The following GCNT1 variants were observed in gnomAD, a reference collection of about 807,000 sequenced individuals.
GCNT1 encodes beta-1,3-galactosyl-O-glycosyl-glycoprotein beta-1,6-N-acetylglucosaminyltransferase.
Under a neutral mutation model 26.2 loss-of-function variants are expected in GCNT1, and 16 were observed. The observed-to-expected ratio is 0.61, with a 90% confidence interval of 0.41 to 0.93. The LOEUF (loss-of-function observed/expected upper bound fraction) is 0.93. Among genes scored for constraint, GCNT1 ranks in the 40% least tolerant of loss-of-function variants. The pLI, the probability that GCNT1 is intolerant of heterozygous loss-of-function variation, is 0.00. For synonymous variants in GCNT1, 183 were observed against 190.8 expected, an observed-to-expected ratio of 0.96 and a Z score of 0.34; for missense variants, 477 against 526.7, an observed-to-expected ratio of 0.91 and a Z score of 0.92.
intron 1 of GCNT1, among the ~76,000 whole-genome samples, chr9:76,421,245 A>G (rs780184574): frequency 2.0e-5 from 3 of 152,202 alleles, no homozygotes; most frequent in Non-Finnish European, 2.9e-5. Flanking sequence ...CACCTTTATA[A>G]CAATTATAAA....
intron 2 of GCNT1, among the ~76,000 whole-genome samples, chr9:76,469,490 A>T (rs897903972): frequency 1.3e-5 from 2 of 152,188 alleles, no homozygotes; most frequent in African/African-American, 4.8e-5. Flanking sequence ...AGCAACGGCT[A>T]CCCTCTTTGG....
the GCNT1 span, chr9:76,399,111 C>T: frequency 2.5e-6 from 4 of 1,571,820 alleles, no homozygotes; most frequent in Non-Finnish European, 3.5e-6. Flanking sequence ...ACGGAGGCAT[C>T]TTATGTTAAC....
upstream of GCNT1, among the ~76,000 whole-genome samples, chr9:76,415,062 C>CA (rs936480765): frequency 6.7e-6 from 1 of 150,100 alleles, no homozygotes; most frequent in Non-Finnish European, 1.5e-5. Flanking sequence ...TAGCTGTGAA[C>CA]TTTTTTTTTT....
the GCNT1 span, among the ~76,000 whole-genome samples, chr9:76,414,474 A>C: frequency 6.6e-6 from 1 of 152,166 alleles, no homozygotes; most frequent in East Asian, 1.9e-4. Flanking sequence ...GTTTATAGAG[A>C]AGTAATGAAA....
At chr9:76,396,523 G>A in the GCNT1 span, among the ~76,000 whole-genome samples, 83 of 151,878 alleles carry the variant, frequency 5.5e-4, no homozygotes, top group African/African-American at 1.9e-3. Flanking sequence ...GAAAAGAAGA[G>A]GAGAAAATAA....
At chr9:76,432,512 G>C (rs1587408014) in intron 1 of GCNT1, among the ~76,000 whole-genome samples, 1 of 151,706 alleles carries the variant, frequency 6.6e-6, no homozygotes, top group East Asian at 1.9e-4. Flanking sequence ...GCTTATTTTT[G>C]TATTTTTTAT....
At position 76,503,789 on chromosome 9, in the gene GCNT1, T is replaced by C; in HGVS notation, c.*121T>C. 1.3e-6 allele frequency: 1 copy of C among 745,992 alleles called. No homozygotes were observed. Among genetic ancestry groups the C allele is most frequent in the South Asian group, 1.7e-5 (1 of 59,750 alleles). 46.2% of individuals were successfully genotyped at this position (745,992 alleles called of 1,614,324 possible). On this transcript the variant is annotated 3_prime_UTR_variant, in exon 4 of 4. Transcript: ENST00000376730. ...GTCCTCTTTGGGGCAGGGACTCTAG[T>C]AGATCTTCTTGTCAGAGAAGCTGCA...
the GCNT1 span, among the ~76,000 whole-genome samples, chr9:76,404,699 T>A: frequency 9.3e-4 from 141 of 152,182 alleles, no homozygotes; most frequent in Non-Finnish European, 1.9e-3. Flanking sequence ...AAGAGATATA[T>A]GAAGAGAGGC....
At chr9:76,424,539 G>C (rs1001894439) in intron 1 of GCNT1, among the ~76,000 whole-genome samples, 11 of 152,114 alleles carry the variant, frequency 7.2e-5, no homozygotes, top group African/African-American at 2.4e-4. Context: ...CTGGATCTTG[G>C]AGTAGCCCAA....
chr9:76,449,368 A>T (rs1383498394), intron 1 of GCNT1, among the ~76,000 whole-genome samples: 1 of 152,202 alleles, frequency 6.6e-6, no homozygotes, highest in East Asian at 1.9e-4. Flanking sequence ...AGAATGTGCC[A>T]CCTCAAAACA....
intron 1 of GCNT1, among the ~76,000 whole-genome samples, chr9:76,449,879 G>A (rs1021181591): frequency 8.5e-5 from 13 of 152,142 alleles, no homozygotes; most frequent in African/African-American, 3.1e-4. Flanking sequence ...TGCCTCCTGG[G>A]CTCAAGTGAT....
At chr9:76,493,121 ACAT>A (rs1167007456) in intron 2 of GCNT1, among the ~76,000 whole-genome samples, 1 of 152,134 alleles carries the variant, frequency 6.6e-6, no homozygotes, top group African/African-American at 2.4e-5. Context: ...GTTATGGTGG[ACAT>A]CATTGAATAA....
chr9:76,462,787 C>T (rs374246829), intron 2 of GCNT1, among the ~76,000 whole-genome samples: 14 of 152,120 alleles, frequency 9.2e-5, no homozygotes, highest in African/African-American at 3.1e-4. Flanking sequence ...TTGTGAATGG[C>T]CAATGTGTCC....
chr9:76,481,903 C>A (rs1824432550), intron 2 of GCNT1, among the ~76,000 whole-genome samples: 1 of 152,110 alleles, frequency 6.6e-6, no homozygotes, highest in Admixed American at 6.6e-5. Context: ...TGAAGAGGGC[C>A]AAGTGATAAC....
chr9:76,397,313 TA>T, the GCNT1 span, among the ~76,000 whole-genome samples: 56 of 147,088 alleles, frequency 3.8e-4, no homozygotes, highest in East Asian at 3.8e-3. Flanking sequence ...TAGATAGATT[TA>T]AAAAAAAAAA....
intron 2 of GCNT1, among the ~76,000 whole-genome samples, chr9:76,489,015 A>T (rs563919261): frequency 6.6e-6 from 1 of 152,142 alleles, no homozygotes; most frequent in Non-Finnish European, 1.5e-5. Flanking sequence ...TAGGGGCTGT[A>T]GTCATCTGAT....
At chr9:76,438,277 G>GT (rs1249265292), upstream of GCNT1, among the ~76,000 whole-genome samples, 5 of 152,324 alleles carry the variant, frequency 3.3e-5, no homozygotes, top group African/African-American at 9.6e-5. Flanking sequence ...AAAGGGAGGT[G>GT]TGGGGGGTGG....
intron 2 of GCNT1, among the ~76,000 whole-genome samples, chr9:76,484,224 C>A (rs1026195790): frequency 1.3e-5 from 2 of 152,040 alleles, no homozygotes; most frequent in South Asian, 2.1e-4. Flanking sequence ...GAGACCCTAT[C>A]TCTACAAAAA....
intron 1 of GCNT1, among the ~76,000 whole-genome samples, chr9:76,443,889 GAAA>G (rs777022009): frequency 1.8e-4 from 13 of 72,894 alleles, no homozygotes; most frequent in Admixed American, 1.1e-3. Context: ...AAGAAAGAAA[GAAA>G]GAAAGAAAGG....
Sources: allele counts gnomAD v4.1 joint callset (sites outside exome capture counted in the v4.1 genomes callset), GRCh38; gene constraint gnomAD v4.1.1; transcripts MANE v1.5; gene names NCBI Gene and HGNC (gene_info 2026-07-23, HGNC 2026-07-21).